The following TMEM18 variants were observed in gnomAD, a reference collection of about 807,000 sequenced individuals.
The protein encoded by TMEM18 is transmembrane protein 18.
In TMEM18, 14 loss-of-function variants were observed where a neutral mutation model predicts 17.4. The ratio of observed to expected loss-of-function variants is 0.80; its 90% confidence interval spans 0.53 to 1.25. TMEM18 has a LOEUF of 1.25. Ranked by LOEUF, TMEM18 falls within the 50% of genes most tolerant of loss-of-function variation. The pLI, the probability that TMEM18 is intolerant of heterozygous loss-of-function variation, is 0.00. For missense variants in TMEM18, 187 were observed against 172.1 expected, an observed-to-expected ratio of 1.09 and a Z score of -0.48; for synonymous variants, 86 against 66.1, an observed-to-expected ratio of 1.30 and a Z score of -1.46.
intron 1 of TMEM18, chr2:676,310 A>G (rs1470389261): frequency 6.7e-7 from 1 of 1,481,884 alleles, no homozygotes; most frequent in Admixed American, 2.1e-5. Context: ...TCCCCACCTG[A>G]TGCTCAGATG....
rs1310437122 is a variant in TMEM18, at chr2:665,265, G to A, written c.*4315C>T. On this transcript the variant is annotated 3_prime_UTR_variant, in exon 5 of 5. Transcript: ENST00000281017. ...AACCCCATATACAACAGGATCCAGA[G>A]ATGCAGACACCCCACTCACTCAGAT... Among the ~76,000 whole-genome samples, 1 of 151,724 alleles carries A rather than the reference G, an allele frequency of 6.6e-6. No individual in the cohort carries two copies. The highest frequency in any genetic ancestry group is 1.5e-5 in the Non-Finnish European group (1 of 67,958).
At position 664,327 on chromosome 2, in the gene TMEM18, CTGTT is replaced by C. The variant is rs1409848120; in HGVS notation, c.*5249_*5252del. Among the ~76,000 whole-genome samples, 5 of 152,224 alleles carry C rather than the reference CTGTT, an allele frequency of 3.3e-5. No individual in the cohort carries two copies. The highest frequency in any genetic ancestry group is 1.2e-4 in the African/African-American group (5 of 41,466). On this transcript the variant is annotated 3_prime_UTR_variant, in exon 5 of 5. Coordinates refer to ENST00000281017, the MANE Select transcript of TMEM18 (RefSeq NM_152834.4). ...TCCTGATGATACATAAAGCAAAAAA[CTGTT>C]TGACTTTCTAAAACCTTTTCAACAC... is the stretch of plus-strand genomic sequence containing the variant.
rs752401290 is a variant in TMEM18, at chr2:672,878, A to T, written c.179-16T>A. 3 of 1,510,592 alleles carry T rather than the reference A, an allele frequency of 2.0e-6. No homozygotes were observed. The highest frequency in any genetic ancestry group is 2.6e-6 in the Non-Finnish European group (3 of 1,142,796). The allele number at this position is 1,510,592 out of a possible 1,614,324, so 93.6% of individuals were successfully genotyped here. ...ACTAAGATGACTGAAAAAAGGTACAAGTCATATTAGAATTTAGATGGCCCG... is the reference window on the plus strand; with the variant it reads ...ACTAAGATGACTGAAAAAAGGTACATGTCATATTAGAATTTAGATGGCCCG... On this transcript the variant is annotated splice_polypyrimidine_tract_variant and intron_variant, in intron 2 of 4. Coordinates refer to ENST00000281017, the MANE Select transcript of TMEM18 (RefSeq NM_152834.4).
chr2:669,406 T>G lies in TMEM18; in HGVS notation c.*174A>C, dbSNP rs181959856. On this transcript the variant is annotated 3_prime_UTR_variant, in exon 5 of 5. Transcript: ENST00000281017. The stretch of plus-strand genomic sequence containing the variant: ...CGCATGTCCTGATGGATACATTCAG[T>G]GCTGGCTGAAAAGCCAACTTCAGTG... 35 of 680,280 alleles carry G rather than the reference T, an allele frequency of 5.1e-5. No homozygotes were observed. In the East Asian group the frequency reaches 6.1e-4, roughly 12 times the overall value. 42.1% of individuals were successfully genotyped at this position (680,280 alleles called of 1,614,324 possible). A position where few individuals can be genotyped will look rare whatever the true frequency, so the allele number is the denominator to read the frequency against.
intron 2 of TMEM18, 42 bp downstream of exon 2, chr2:675,466 TCA>T: frequency 6.2e-7 from 1 of 1,613,354 alleles, no homozygotes; most frequent in East Asian, 2.2e-5. Flanking sequence ...CAGTTTCATT[TCA>T]CACAGTGATC....
chr2:664,836 A>G lies in TMEM18; in HGVS notation c.*4744T>C, dbSNP rs1678636324. Among the ~76,000 whole-genome samples the G allele has an allele frequency of 6.6e-6, 1 of 152,232 alleles. No individual in the cohort carries two copies. Among genetic ancestry groups the G allele is most frequent in the Admixed American group, 6.5e-5 (1 of 15,288 alleles). On this transcript the variant is annotated 3_prime_UTR_variant, in exon 5 of 5. Transcript: ENST00000281017. ...TTGCTGTTGTCAGTAAAACAATTAGAAAAACTCTGCATCTCTAATATCAGT... is the reference window on the plus strand; with the variant it reads ...TTGCTGTTGTCAGTAAAACAATTAGGAAAACTCTGCATCTCTAATATCAGT...
Position 666,740 on chromosome 2 carries a change from C to T in TMEM18, c.*2840G>A, listed in dbSNP as rs983969432. On this transcript the variant is annotated 3_prime_UTR_variant, in exon 5 of 5. Transcript: ENST00000281017. ...GAACTCTGCATGTGGAGCCCAGCCC[C>T]GTCCTCCCCAGGACCGACTTGCTGG... Among the ~76,000 whole-genome samples, 5 of 152,120 alleles carry T rather than the reference C, an allele frequency of 3.3e-5. No homozygotes were observed. The highest frequency in any genetic ancestry group is 1.3e-4 in the Admixed American group (2 of 15,272).
chr2:666,111 C>T lies in TMEM18; in HGVS notation c.*3469G>A, dbSNP rs1402880354. On this transcript the variant is annotated 3_prime_UTR_variant, in exon 5 of 5. Transcript: ENST00000281017. ...TGCCCAGCTCACTCAGATGAAGCAT[C>T]AACCCCATGCACAACAGGGCCCATG... is the stretch of plus-strand genomic sequence containing the variant. Among the ~76,000 whole-genome samples the T allele has an allele frequency of 6.6e-6, 1 of 152,180 alleles. No individual in the cohort carries two copies. Among genetic ancestry groups the T allele is most frequent in the African/African-American group, 2.4e-5 (1 of 41,444 alleles).
In TMEM18 at chr2:668,295, T is replaced by C. The variant is rs981587855; in HGVS notation, c.*1285A>G. The C allele has an allele frequency of 9.9e-5, 15 of 152,180 alleles. No individual in the cohort carries two copies. Among genetic ancestry groups the C allele is most frequent in the African/African-American group, 3.6e-4 (15 of 41,430 alleles). 9.4% of individuals were successfully genotyped at this position (152,180 alleles called of 1,614,324 possible). A position where few individuals can be genotyped will look rare whatever the true frequency, so the allele number is the denominator to read the frequency against. On this transcript the variant is annotated 3_prime_UTR_variant, in exon 5 of 5. Transcript: ENST00000281017. ...GCCAAACCATATCAGATGGTGAAAA[T>C]GTTATACTAAAAATGCACAGTCTCT...
intron 3 of TMEM18, 90 bp from the exon 4 acceptor site, chr2:669,940 G>A (rs77087765): frequency 4.7e-6 from 5 of 1,052,952 alleles, no homozygotes; most frequent in East Asian, 2.6e-5. Context: ...TTTGGAGAGA[G>A]CTGATGTGGA....
intron 3 of TMEM18, 74 bp from the exon 4 acceptor site, chr2:669,924 T>C (rs770092446): frequency 1.1e-4 from 139 of 1,234,578 alleles, no homozygotes; most frequent in Non-Finnish European, 1.6e-4. Context: ...TCTATTTAGA[T>C]AAGACTTTGG....
At chr2:675,707 C>T in intron 1 of TMEM18, 77 bp from the exon 2 acceptor site, 3 of 1,577,182 alleles carry the variant, frequency 1.9e-6, no homozygotes, top group South Asian at 2.3e-5. Context: ...AGCCTTCTCC[C>T]AGCGCAGGAG....
chr2:673,392 G>A (rs1166620033), intron 2 of TMEM18, among the ~76,000 whole-genome samples: 2 of 151,870 alleles, frequency 1.3e-5, no homozygotes, highest in African/African-American at 4.8e-5. Flanking sequence ...AGCTGGTGGG[G>A]GCAGGGCAAG....
At chr2:670,362 T>C (rs1208646487) in intron 3 of TMEM18, 1 of 156,946 alleles carries the variant, frequency 6.4e-6, no homozygotes, top group Admixed American at 6.4e-5. Context: ...CCAGTGCCTC[T>C]TTAGCAGAAG....
intron 1 of TMEM18, chr2:676,533 CA>C (rs1361677130): frequency 1.3e-6 from 2 of 1,547,610 alleles, no homozygotes; most frequent in Non-Finnish European, 1.7e-6. Flanking sequence ...CGCGCCATGA[CA>C]TAAGGACACA....
At chr2:670,003 C>T in intron 3 of TMEM18, 153 bp from the exon 4 acceptor site, 1 of 620,340 alleles carries the variant, frequency 1.6e-6, no homozygotes, top group Non-Finnish European at 2.8e-6. Context: ...CAGCGGTAAT[C>T]TCCACTGTAC....
chr2:676,121 A>C, intron 1 of TMEM18: 1 of 1,322,516 alleles, frequency 7.6e-7, no homozygotes, highest in Non-Finnish European at 1.0e-6. Context: ...ACCTCAGGGA[A>C]TCTTGAGCCA....
intron 2 of TMEM18, 104 bp downstream of exon 2, chr2:675,402 TGGGA>T: frequency 6.6e-7 from 1 of 1,509,374 alleles, no homozygotes; most frequent in Non-Finnish European, 9.1e-7. Flanking sequence ...GACAGAGGGT[TGGGA>T]GGTCTTGTAA....
chr2:676,354 C>T (rs1283107965), intron 1 of TMEM18: 2 of 1,439,722 alleles, frequency 1.4e-6, no homozygotes, highest in Non-Finnish European at 1.8e-6. Flanking sequence ...TCCCCATCCC[C>T]TCCTTGAGCG....
Sources: gnomAD v4.1 joint callset for allele counts (sites outside exome capture counted in the v4.1 genomes callset) on GRCh38, gnomAD v4.1.1 for gene constraint, MANE v1.5 for transcripts, NCBI Gene and HGNC (gene_info 2026-07-23, HGNC 2026-07-21) for gene names.